OMA1: variants seen among roughly 807,000 people sequenced by gnomAD.
OMA1 encodes OMA1 zinc metallopeptidase.
A neutral mutation model predicts 30.9 loss-of-function variants in OMA1; 38 were observed. The ratio of observed to expected loss-of-function variants is 1.23; its 90% CI spans 0.95 to 1.61. OMA1 has a LOEUF of 1.61. OMA1 is among the 40% of genes most tolerant of loss of function. The pLI, the probability that OMA1 is intolerant of heterozygous loss-of-function variation, is 0.00. For synonymous variants in OMA1, 173 were observed against 121.9 expected, an observed-to-expected ratio of 1.42 and a Z score of -2.76; for missense variants, 461 against 349.2, an observed-to-expected ratio of 1.32 and a Z score of -2.55.
In OMA1 at chr1:58,495,201, T is replaced by C. The variant is rs1020265925; in HGVS notation, c.1365+10859A>G. On this transcript the variant is annotated intron_variant, in intron 8 of 8. Transcript: ENST00000371226. ...ACTAAACACTGCAGGTTCTCACTCA[T>C]AGGTGGGAACAGAACAATGAGAACA... is the stretch of plus-strand genomic sequence containing the variant. 3.3e-5 allele frequency among the ~76,000 whole-genome samples: 5 copies of C among 151,962 alleles called. No homozygotes were observed. The East Asian group carries it at 9.6e-4, about 29-fold the overall frequency.
At chr1:58,513,856 G>A (rs1646119550) in intron 7 of OMA1, among the ~76,000 whole-genome samples, 1 of 152,116 alleles carries the variant, frequency 6.6e-6, no homozygotes, top group African/African-American at 2.4e-5. Flanking sequence ...AAGATCCATG[G>A]TGACTACATA....
At position 58,492,798 on chromosome 1, in the gene OMA1, C is replaced by G. The variant is rs1303402799; in HGVS notation, c.1366-11624G>C. ...AATAGCTTACCAACCAAAAAAAGTC[C>G]AGGACCAGATGGATTCACAGCCGAA... On this transcript the variant is annotated intron_variant, in intron 8 of 8. Coordinates refer to ENST00000371226, the MANE Select transcript of OMA1 (RefSeq NM_145243.5). Among the ~76,000 whole-genome samples the G allele has an allele frequency of 2.0e-5, 3 of 152,070 alleles. No homozygotes were observed. In the South Asian group the frequency reaches 6.2e-4, roughly 32 times the overall value.
intron 8 of OMA1, among the ~76,000 whole-genome samples, chr1:58,490,505 T>G (rs1024732878): frequency 1.3e-5 from 2 of 152,194 alleles, no homozygotes; most frequent in African/African-American, 4.8e-5. Flanking sequence ...GGAACCAAGT[T>G]GGAAAACACT....
chr1:58,528,855 AG>A (rs1341307042), intron 6 of OMA1, among the ~76,000 whole-genome samples: 1 of 152,218 alleles, frequency 6.6e-6, no homozygotes, highest in Non-Finnish European at 1.5e-5. Flanking sequence ...GCCTTGATTT[AG>A]GAAAAAATAA....
At chr1:58,504,515 A>G (rs898560384) in intron 8 of OMA1, among the ~76,000 whole-genome samples, 2 of 151,718 alleles carry the variant, frequency 1.3e-5, no homozygotes, top group Non-Finnish European at 1.5e-5. Flanking sequence ...AATCTGCTTT[A>G]TTTTTTCCCA....
At chr1:58,502,960 T>TC (rs1337266823) in intron 8 of OMA1, among the ~76,000 whole-genome samples, 5 of 152,196 alleles carry the variant, frequency 3.3e-5, no homozygotes, top group African/African-American at 1.2e-4. Context: ...CATCATTTGC[T>TC]CCCAAATAAA....
At chr1:58,488,852 C>G (rs1242404398) in intron 8 of OMA1, among the ~76,000 whole-genome samples, 1 of 152,240 alleles carries the variant, frequency 6.6e-6, no homozygotes, top group African/African-American at 2.4e-5. Flanking sequence ...TAGCTTAGCT[C>G]CCACTTATCA....
chr1:58,539,915 C>A (rs1389156809), intron 1 of OMA1, among the ~76,000 whole-genome samples: 2 of 152,120 alleles, frequency 1.3e-5, no homozygotes, highest in East Asian at 3.8e-4. Flanking sequence ...GGACAGAGGA[C>A]AAGAGAAGAC....
At chr1:58,544,940 T>C (rs981998447) in intron 1 of OMA1, among the ~76,000 whole-genome samples, 3 of 152,128 alleles carry the variant, frequency 2.0e-5, no homozygotes, top group Admixed American at 2.0e-4. Flanking sequence ...GGTGTGTCAC[T>C]ATGTTGCCCA....
rs1280522151 is a variant in OMA1 at position 58,527,247 on chromosome 1, A to T, written c.1215+14T>A. The T allele has an allele frequency of 2.3e-6, 2 of 871,784 alleles. No individual in the cohort carries two copies. The highest frequency in any genetic ancestry group is 3.3e-5 in the African/African-American group (2 of 61,312). 54.0% of individuals were successfully genotyped at this position (871,784 alleles called of 1,614,324 possible). ...GGAAGGGCATTATGTATTCTCAACT[A>T]CTAAACACTTTACCTTTGCAGCAAG... On this transcript the variant is annotated intron_variant, in intron 7 of 8. Transcript: ENST00000371226.
At chr1:58,541,097 G>A (rs987674476) in intron 1 of OMA1, among the ~76,000 whole-genome samples, 20 of 64,856 alleles carry the variant, frequency 3.1e-4, no homozygotes, top group Non-Finnish European at 5.1e-4. Context: ...ATCATTTGAG[G>A]TCAGGCATTC....
In OMA1 at chr1:58,506,045, A is replaced by T. The variant is rs913901718; in HGVS notation, c.1365+15T>A. ...CAGTAAAAATAATGTCCCGCCTTCT[A>T]CGGTGTCAGCTCACCTGAGGTATAA... On this transcript the variant is annotated intron_variant, in intron 8 of 8. Coordinates refer to ENST00000371226, the MANE Select transcript of OMA1 (RefSeq NM_145243.5). The T allele has an allele frequency of 7.1e-6, 6 of 848,314 alleles. No homozygotes were observed. In the African/African-American group the frequency reaches 8.2e-5, roughly 12 times the overall value. The allele number at this position is 848,314 out of a possible 1,614,324, so 52.5% of individuals were successfully genotyped here.
At chr1:58,500,573 TTGAA>T (rs1645890187) in intron 8 of OMA1, among the ~76,000 whole-genome samples, 1 of 152,200 alleles carries the variant, frequency 6.6e-6, no homozygotes, top group African/African-American at 2.4e-5. Flanking sequence ...TATCTAAAAA[TTGAA>T]TGAAGTGAAT....
At chr1:58,530,025 C>T (rs1250157002) in intron 6 of OMA1, among the ~76,000 whole-genome samples, 2 of 151,940 alleles carry the variant, frequency 1.3e-5, no homozygotes, top group African/African-American at 4.8e-5. Flanking sequence ...AGACTACAGG[C>T]GCCCGCCACA....
At chr1:58,521,180 C>T (rs765985209) in intron 7 of OMA1, among the ~76,000 whole-genome samples, 11 of 152,114 alleles carry the variant, frequency 7.2e-5, no homozygotes, top group Non-Finnish European at 1.5e-4. Context: ...AAGCAATATA[C>T]TTCTAAATAA....
chr1:58,513,800 G>GT (rs1474196057), intron 7 of OMA1, among the ~76,000 whole-genome samples: 1 of 152,142 alleles, frequency 6.6e-6, no homozygotes, highest in Non-Finnish European at 1.5e-5. Flanking sequence ...ACTTCATGTG[G>GT]TAAGTACTGT....
chr1:58,481,828 G>A (rs758684931), intron 8 of OMA1, among the ~76,000 whole-genome samples: 13 of 152,094 alleles, frequency 8.5e-5, no homozygotes, highest in African/African-American at 2.4e-5. Context: ...CTTGACTGCC[G>A]CCATGTAAGA....
At chr1:58,485,231 A>T (rs1389326468) in intron 8 of OMA1, among the ~76,000 whole-genome samples, 1 of 145,492 alleles carries the variant, frequency 6.9e-6, no homozygotes, top group Non-Finnish European at 1.5e-5. Context: ...CTACTACTAA[A>T]AAAAAAAAAA....
chr1:58,527,381 C>A, intron 6 of OMA1, 46 bp from the exon 7 acceptor site: 1 of 838,884 alleles, frequency 1.2e-6, no homozygotes, highest in Non-Finnish European at 2.1e-6. Context: ...ATTTATTTCA[C>A]GAAAAAAGGA....
Sources: allele counts gnomAD v4.1 joint callset (sites outside exome capture counted in the v4.1 genomes callset), GRCh38; gene constraint gnomAD v4.1.1; transcripts MANE v1.5; gene names NCBI Gene and HGNC (gene_info 2026-07-23, HGNC 2026-07-21).